The following RIPOR3 variants were observed in gnomAD, a reference collection of about 807,000 sequenced individuals.
RIPOR3 encodes the protein family with sequence similarity 65 member C.
Under a neutral mutation model 114.3 loss-of-function variants are expected in RIPOR3, and 95 were observed. The ratio of observed to expected loss-of-function variants is 0.83; its 90% CI spans 0.70 to 0.99. The LOEUF (loss-of-function observed/expected upper bound fraction) is 0.99. RIPOR3 is among the 50% of genes least tolerant of loss of function. The pLI is 0.00. For synonymous variants in RIPOR3, 575 were observed against 543.8 expected, an observed-to-expected ratio of 1.06 and a Z score of -0.80; for missense variants, 1,252 against 1,266.9, an observed-to-expected ratio of 0.99 and a Z score of 0.18.
chr20:50,595,504 T>C lies in RIPOR3; in HGVS notation c.1915A>G (p.Lys639Glu), dbSNP rs772553584. Residue 639 changes from lysine to glutamate, a missense_variant and splice_region_variant, in exon 16 of 22, where the codon AAA (lysine) becomes GAA (glutamate). Coordinates refer to ENST00000327979, the MANE Select transcript of RIPOR3 (RefSeq NM_001290268.2). ...CTTGATAAATTAGGGGAGGCCAGTT[T>C]CTGGGAAGCAGCCCAGATGCTCCAG... is the stretch of plus-strand genomic sequence containing the variant. ...HLQVCKALLQ[K>E]LASPNLSRLV... The C allele has an allele frequency of 2.5e-6, 4 of 1,613,848 alleles. No individual in the cohort carries two copies.
At chr20:50,653,571 G>A (rs1490901202) in intron 1 of RIPOR3, among the ~76,000 whole-genome samples, 1 of 148,736 alleles carries the variant, frequency 6.7e-6, no homozygotes, top group Non-Finnish European at 1.5e-5. Flanking sequence ...GAGATTACAG[G>A]CGTATGCCAC....
intron 2 of RIPOR3, among the ~76,000 whole-genome samples, chr20:50,624,964 G>A (rs144218299): frequency 3.3e-5 from 5 of 152,346 alleles, no homozygotes; most frequent in East Asian, 1.9e-4. Context: ...CAACAAGGAC[G>A]TGAGCCAACC....
At chr20:50,616,546 T>C (rs948931458) in intron 3 of RIPOR3, among the ~76,000 whole-genome samples, 7 of 152,136 alleles carry the variant, frequency 4.6e-5, no homozygotes, top group African/African-American at 1.7e-4. Context: ...TTTCACTATG[T>C]TGGCCAGGCT....
intron 1 of RIPOR3, among the ~76,000 whole-genome samples, chr20:50,667,582 G>T (rs1002139794): frequency 5.3e-5 from 8 of 152,172 alleles, no homozygotes. Flanking sequence ...GTGAGCCACC[G>T]CGCCCGGCCG....
At chr20:50,606,822 C>G (rs1320082485) in intron 11 of RIPOR3, among the ~76,000 whole-genome samples, 1 of 152,034 alleles carries the variant, frequency 6.6e-6, no homozygotes, top group African/African-American at 2.4e-5. Flanking sequence ...CTCCGCCTCC[C>G]CGGTTCAAGC....
chr20:50,689,695 T>C (rs2087143757), intron 1 of RIPOR3, among the ~76,000 whole-genome samples: 1 of 151,930 alleles, frequency 6.6e-6, no homozygotes, highest in Non-Finnish European at 1.5e-5. Flanking sequence ...TGGAACTGGG[T>C]AGGGTGACCA....
chr20:50,679,537 C>T (rs2123595815), intron 1 of RIPOR3, among the ~76,000 whole-genome samples: 1 of 146,520 alleles, frequency 6.8e-6, no homozygotes, highest in South Asian at 2.1e-4. Context: ...GTGGGCAGAT[C>T]ACAAGGTCAG....
intron 2 of RIPOR3, among the ~76,000 whole-genome samples, chr20:50,623,603 A>G (rs1037383349): frequency 3.3e-4 from 50 of 152,138 alleles, no homozygotes; most frequent in Admixed American, 2.5e-3. Flanking sequence ...TCCCAGAGAA[A>G]GTCCAGCTTC....
At chr20:50,666,193 T>TTTTCTTTTCTTTTTTTC (rs2086208412) in intron 1 of RIPOR3, among the ~76,000 whole-genome samples, 7 of 28,136 alleles carry the variant, frequency 2.5e-4, no homozygotes, top group African/African-American at 4.8e-4. Context: ...ATTTCTTTTC[T>TTTTCTTTTCTTTTTTTC]TTTCTTTTCT....
chr20:50,616,735 C>T (rs957693717), intron 3 of RIPOR3, among the ~76,000 whole-genome samples: 3 of 152,204 alleles, frequency 2.0e-5, no homozygotes, highest in Admixed American at 6.5e-5. Flanking sequence ...GCTGAACCCA[C>T]GTCTGAAACC....
rs77323443 is a variant in RIPOR3, at chr20:50,663,485, C to A, written c.3+27641G>T. ...TGATCATAGGGAATAACTCTACCTG[C>A]TTCACAGGACTATTCTGTGAATACT... On this transcript the variant is annotated intron_variant, in intron 1 of 21. Transcript: ENST00000327979. 7.2e-5 allele frequency among the ~76,000 whole-genome samples: 11 copies of A among 152,316 alleles called. No individual in the cohort carries two copies. The East Asian group carries it at 2.1e-3, about 29-fold the overall frequency.
At chr20:50,648,140 T>G (rs148119212) in intron 1 of RIPOR3, among the ~76,000 whole-genome samples, 3,161 of 151,712 alleles carry the variant, frequency 0.021, 116 homozygotes, top group African/African-American at 0.073. Flanking sequence ...GCTGGGTGTG[T>G]TGGTGGGCAC....
chr20:50,607,412 A>G lies in RIPOR3; in HGVS notation c.956+977T>C, dbSNP rs56770493. ...TTGCACTCGGAGTAGGTAGGTCCCCATAGATCCATTTGCCTCGAAGAAACT... is the reference window on the plus strand; with the variant it reads ...TTGCACTCGGAGTAGGTAGGTCCCCGTAGATCCATTTGCCTCGAAGAAACT... On this transcript the variant is annotated intron_variant, in intron 11 of 21. Coordinates refer to ENST00000327979, the MANE Select transcript of RIPOR3 (RefSeq NM_001290268.2). Among the ~76,000 whole-genome samples the G allele has an allele frequency of 3.6e-3, 543 of 152,306 alleles. 3 individuals carry two copies. Among genetic ancestry groups the G allele is most frequent in the African/African-American group, 0.013 (520 of 41,570 alleles).
chr20:50,647,875 T>G (rs1321143153), intron 1 of RIPOR3, among the ~76,000 whole-genome samples: 1 of 152,194 alleles, frequency 6.6e-6, no homozygotes, highest in African/African-American at 2.4e-5. Flanking sequence ...GAAATTATCT[T>G]ACAGTTACTT....
At chr20:50,686,724 C>T (rs1016846444) in intron 1 of RIPOR3, among the ~76,000 whole-genome samples, 4 of 150,744 alleles carry the variant, frequency 2.7e-5, no homozygotes, top group Admixed American at 6.6e-5. Flanking sequence ...GCACTCCAGC[C>T]TGGGCGACAG....
Position 50,601,989 on chromosome 20 carries a change from G to A in RIPOR3, c.1659+83C>T, listed in dbSNP as rs988512381. 1.8e-5 allele frequency: 24 copies of A among 1,333,984 alleles called. No homozygotes were observed. In the African/African-American group the frequency reaches 3.2e-4, roughly 18 times the overall value. The allele number at this position is 1,333,984 out of a possible 1,614,324, so 82.6% of individuals were successfully genotyped here. On this transcript the variant is annotated intron_variant, in intron 13 of 21. Transcript: ENST00000327979. ...AGGTGAGGCCAGGATGTCGGCCCAG[G>A]CTGCGTGGCCCCAGAGCCCCCGACT...
intron 1 of RIPOR3, chr20:50,653,185 G>C (rs1303484955): frequency 2.0e-5 from 3 of 152,242 alleles, no homozygotes; most frequent in Non-Finnish European, 4.4e-5. Context: ...AAAACGGTAT[G>C]CTAAGTGAAA....
intron 21 of RIPOR3, 43 bp from the exon 22 acceptor site, chr20:50,587,375 T>G: frequency 6.4e-7 from 1 of 1,553,976 alleles, no homozygotes; most frequent in Non-Finnish European, 8.9e-7. Flanking sequence ...GATCCTGCCT[T>G]GGCACTTCCA....
chr20:50,667,612 C>T (rs551340436), intron 1 of RIPOR3, among the ~76,000 whole-genome samples: 16 of 152,314 alleles, frequency 1.1e-4, no homozygotes, highest in Non-Finnish European at 1.9e-4. Context: ...GTTCTTAACA[C>T]GTCCTCACCG....
Sources: gnomAD v4.1 joint callset for allele counts (sites outside exome capture counted in the v4.1 genomes callset) on GRCh38, gnomAD v4.1.1 for gene constraint, MANE v1.5 for transcripts, NCBI Gene and HGNC (gene_info 2026-07-23, HGNC 2026-07-21) for gene names.